The following GLE1 variants were observed in gnomAD, a reference collection of about 807,000 sequenced individuals.
GLE1 encodes the protein GLE1 RNA export mediator.
In GLE1, 78 loss-of-function variants were observed where a neutral mutation model predicts 97.3. That is an observed-to-expected ratio of 0.80 (90% CI 0.67 to 0.97). The LOEUF (loss-of-function observed/expected upper bound fraction) is 0.97. GLE1 is among the 50% of genes least tolerant of loss of function. The pLI is 0.00. For synonymous variants in GLE1, 302 were observed against 313.4 expected (o/e 0.96, Z 0.39); for missense variants, 753 against 857.5 (o/e 0.88, Z 1.52).
chr9:128,510,947 C>T (rs1252520358), intron 2 of GLE1, among the ~76,000 whole-genome samples: 10 of 150,934 alleles, frequency 6.6e-5, no homozygotes, highest in East Asian at 2.0e-4. Flanking sequence ...GTGGCTCACA[C>T]GTGTAATCCC....
chr9:128,534,757 C>T (rs541180562), intron 11 of GLE1, among the ~76,000 whole-genome samples: 12 of 151,200 alleles, frequency 7.9e-5, no homozygotes, highest in Non-Finnish European at 1.3e-4. Context: ...CTCGCTTTGT[C>T]ACCCAGGCTG....
chr9:128,527,206 C>G lies in GLE1; in HGVS notation c.1157C>G (p.Thr386Arg). ...EDLQVKVQDI[T>R]MQWYQQLQDA... ...CTCCAGGTGAAGGTACAAGACATTA[C>G]AATGCAGTGGTACCAGCAGCTGCAG... The change falls in exon 8 of 16, where the codon ACA becomes AGA. Residue 386 changes from threonine to arginine, a missense_variant. By Grantham distance (71) the Thr-to-Arg change is moderately conservative. Coordinates refer to ENST00000309971, the MANE Select transcript of GLE1 (RefSeq NM_001003722.2). The G allele has an allele frequency of 6.2e-7, 1 of 1,606,308 alleles. No homozygotes were observed. Among genetic ancestry groups the G allele is most frequent in the South Asian group, 1.1e-5 (1 of 90,930 alleles).
chr9:128,515,764 G>A (rs1022328179), intron 3 of GLE1, 125 bp downstream of exon 3: 8 of 703,110 alleles, frequency 1.1e-5, no homozygotes, highest in Non-Finnish European at 2.1e-5. Context: ...AGTTTTGGGG[G>A]TAGTGTAATA....
chr9:128,541,033 T>A, intron 15 of GLE1, 69 bp from the exon 16 acceptor site: 7 of 907,846 alleles, frequency 7.7e-6, no homozygotes, highest in Non-Finnish European at 1.3e-5. Context: ...AAAGCTTCTT[T>A]TAACCATTAA....
At chr9:128,519,129 C>G (rs1304034366) in intron 3 of GLE1, among the ~76,000 whole-genome samples, 4 of 152,096 alleles carry the variant, frequency 2.6e-5, no homozygotes, top group Non-Finnish European at 4.4e-5. Context: ...TCTCTTAATC[C>G]TGTCAGCTGA....
Position 128,508,936 on chromosome 9 carries a change from G to T in GLE1, c.160G>T (p.Glu54Ter). The change falls in exon 2 of 16, where the codon GAG becomes TAG. Residue 54 changes from glutamate to a stop codon, truncating the protein, a stop_gained. Transcript: ENST00000309971. LOFTEE classifies it high-confidence loss of function. ...KLSSYSGWVV[E>*]HVLPHMQENQ... Reference sequence around the variant, plus strand: ...ATCTTCTTATTCTGGATGGGTGGTAGAGCACGTCCTACCCCATATGCAGGA... The same window carrying T: ...ATCTTCTTATTCTGGATGGGTGGTATAGCACGTCCTACCCCATATGCAGGA... The T allele has an allele frequency of 1.2e-6, 2 of 1,611,998 alleles. No homozygotes were observed. The highest frequency in any genetic ancestry group is 1.7e-6 in the Non-Finnish European group (2 of 1,178,076).
In GLE1 at chr9:128,530,299, C is replaced by T. The variant is rs529029188; in HGVS notation, c.1312+2774C>T. On this transcript the variant is annotated intron_variant, in intron 9 of 15. Coordinates refer to ENST00000309971, the MANE Select transcript of GLE1 (RefSeq NM_001003722.2). The stretch of plus-strand genomic sequence containing the variant: ...AAGTTTAATGTGTTCAAATCCAAAC[C>T]CATCATCTTCCTTAGCCCTCTTTGT... 2.6e-5 allele frequency among the ~76,000 whole-genome samples: 4 copies of T among 152,274 alleles called. No individual in the cohort carries two copies. The East Asian group carries it at 7.7e-4, about 29-fold the overall frequency.
chr9:128,532,162 T>C (rs543283265), intron 9 of GLE1, among the ~76,000 whole-genome samples: 26 of 148,994 alleles, frequency 1.7e-4, no homozygotes, highest in East Asian at 1.6e-3. Flanking sequence ...AATTAAAACA[T>C]TGACTTCAGG....
intron 9 of GLE1, 72 bp downstream of exon 9, chr9:128,527,597 C>A: frequency 1.1e-6 from 1 of 907,362 alleles, no homozygotes; most frequent in Non-Finnish European, 1.9e-6. Flanking sequence ...ATCTATGTAT[C>A]TGTAAGGTTC....
At chr9:128,539,860 A>G in intron 14 of GLE1, 162 bp downstream of exon 14, 1 of 1,519,706 alleles carries the variant, frequency 6.6e-7, no homozygotes. Context: ...TATTTGAATA[A>G]ATGCTTTTGA....
Position 128,522,649 on chromosome 9 carries a change from A to C in GLE1, c.433-19A>C, listed in dbSNP as rs753975204. 6 of 1,602,376 alleles carry C rather than the reference A, an allele frequency of 3.7e-6. No individual in the cohort carries two copies. The East Asian group carries it at 6.7e-5, about 18-fold the overall frequency. On this transcript the variant is annotated intron_variant, in intron 3 of 15. Transcript: ENST00000309971. ...AGATTCCATCTTAAAAAAAAAAAAA[A>C]AAAAAAAAACCTTTTCAGGAGGGCC...
rs1394699505 is a variant in GLE1 at position 128,523,776 on chromosome 9, T to C, written c.827T>C (p.Leu276Pro). The part of the protein sequence containing the change: ...EQHKALLKVD[L>P]AAFQTRGNQL... The stretch of plus-strand genomic sequence containing the variant: ...CACAAAGCCCTGCTTAAGGTCGACC[T>C]GGCTGCCTTCCAGACCCGAGGCAAC... The change falls in exon 6 of 16, where the codon CTG becomes CCG. Residue 276 changes from leucine (L) to proline (P), a missense_variant. Physicochemically the swap from Leu to Pro is moderately conservative, Grantham distance 98. Transcript: ENST00000309971. 1 of 1,613,542 alleles carries C rather than the reference T, an allele frequency of 6.2e-7. No homozygotes were observed.
intron 2 of GLE1, among the ~76,000 whole-genome samples, chr9:128,512,721 G>A (rs1381321042): frequency 6.6e-6 from 1 of 151,884 alleles, no homozygotes; most frequent in Non-Finnish European, 1.5e-5. Context: ...AGGCTGGAGT[G>A]CAATGGCGTG....
chr9:128,517,763 A>T (rs1339110751), intron 3 of GLE1, among the ~76,000 whole-genome samples: 1 of 152,014 alleles, frequency 6.6e-6, no homozygotes, highest in Non-Finnish European at 1.5e-5. Context: ...TGATTGAAAA[A>T]ATATATATGT....
chr9:128,534,228 G>A (rs1419534819), intron 11 of GLE1, among the ~76,000 whole-genome samples: 1 of 152,092 alleles, frequency 6.6e-6, no homozygotes, highest in Non-Finnish European at 1.5e-5. Context: ...AATTAGCCAG[G>A]TGTAATGGTG....
intron 9 of GLE1, among the ~76,000 whole-genome samples, chr9:128,527,779 C>T (rs978107535): frequency 1.3e-5 from 2 of 151,810 alleles, no homozygotes; most frequent in African/African-American, 4.8e-5. Flanking sequence ...GCCTAACCAA[C>T]ATAGTGAAAC....
At position 128,504,740 on chromosome 9, in the gene GLE1, G is replaced by A; in HGVS notation, c.-66G>A. 9.1e-7 allele frequency: 1 copy of A among 1,099,988 alleles called. No individual in the cohort carries two copies. Among genetic ancestry groups the A allele is most frequent in the Non-Finnish European group, 1.4e-6 (1 of 716,390 alleles). 68.1% of individuals were successfully genotyped at this position (1,099,988 alleles called of 1,614,324 possible). ...AAGCAGAAGCCTGTGTGGCCTTCCC[G>A]GCGGCTGATTCGAGGGCTTGTTTGG... is the stretch of plus-strand genomic sequence containing the variant. On this transcript the variant is annotated 5_prime_UTR_variant, in exon 1 of 16. Coordinates refer to ENST00000309971, the MANE Select transcript of GLE1 (RefSeq NM_001003722.2).
intron 7 of GLE1, among the ~76,000 whole-genome samples, chr9:128,526,432 C>G (rs1403070781): frequency 6.6e-6 from 1 of 151,930 alleles, no homozygotes; most frequent in Non-Finnish European, 1.5e-5. Flanking sequence ...TCTCAGCTCA[C>G]TACAACCTCC....
rs10988015 is a variant in GLE1 at position 128,525,677 on chromosome 9, C to T, written c.1129+254C>T. On this transcript the variant is annotated intron_variant, in intron 7 of 15. Transcript: ENST00000309971. Reference sequence around the variant, plus strand: ...TGCTGCTGAGTATTTTAAATAAATGCGCACAGATATGTGTTGGTGTAATAC... The same window carrying T: ...TGCTGCTGAGTATTTTAAATAAATGTGCACAGATATGTGTTGGTGTAATAC... Among the ~76,000 whole-genome samples, 38,912 of 151,934 alleles carry T rather than the reference C, an allele frequency of 0.26. 5,472 individuals carry two copies. Among genetic ancestry groups the T allele is most frequent in the East Asian group, 0.39 (2,010 of 5,136 alleles).
Sources: gnomAD v4.1 joint callset for allele counts (sites outside exome capture counted in the v4.1 genomes callset) on GRCh38, gnomAD v4.1.1 for gene constraint, MANE v1.5 for transcripts, NCBI Gene and HGNC (gene_info 2026-07-23, HGNC 2026-07-21) for gene names.